Variants in HPSE2 observed in about 807,000 individuals in gnomAD.
HPSE2 encodes the protein inactive heparanase-2.
HPSE2 carries 38 observed loss-of-function variants against 60.5 expected under a neutral mutation model. The ratio of observed to expected loss-of-function variants is 0.63; its 90% CI spans 0.48 to 0.82. The LOEUF is 0.82. HPSE2 is among the 40% of genes least tolerant of loss of function. The pLI, the probability that HPSE2 is intolerant of heterozygous loss-of-function variation, is 0.00. For synonymous variants in HPSE2, 295 were observed against 293.2 expected (o/e 1.01, Z -0.06); for missense variants, 713 against 740.4 (o/e 0.96, Z 0.43).
At chr10:98,587,549 A>C (rs1240555051) in intron 9 of HPSE2, among the ~76,000 whole-genome samples, 1 of 152,180 alleles carries the variant, frequency 6.6e-6, no homozygotes, top group Non-Finnish European at 1.5e-5. Context: ...TTGTCCTCCC[A>C]CAGCTGTTCC....
At chr10:98,643,361 A>G (rs1391055422) in intron 6 of HPSE2, among the ~76,000 whole-genome samples, 1 of 152,196 alleles carries the variant, frequency 6.6e-6, no homozygotes, top group African/African-American at 2.4e-5. Context: ...GTTCTTCCTA[A>G]TTGTCACCTC....
At chr10:98,635,222 G>A (rs1297937535) in intron 7 of HPSE2, among the ~76,000 whole-genome samples, 1 of 152,170 alleles carries the variant, frequency 6.6e-6, no homozygotes, top group African/African-American at 2.4e-5. Flanking sequence ...CTACTATAAA[G>A]AAGATAGTAA....
chr10:98,997,585 A>G (rs1274207451), intron 3 of HPSE2, among the ~76,000 whole-genome samples: 1 of 152,234 alleles, frequency 6.6e-6, no homozygotes, highest in Non-Finnish European at 1.5e-5. Flanking sequence ...TATTTCCAGC[A>G]TTTGTATTTT....
intron 3 of HPSE2, among the ~76,000 whole-genome samples, chr10:99,097,589 T>C (rs1232977962): frequency 1.3e-5 from 2 of 152,216 alleles, no homozygotes; most frequent in East Asian, 3.8e-4. Flanking sequence ...AAACTTATTT[T>C]AATAGTGATA....
intron 3 of HPSE2, among the ~76,000 whole-genome samples, chr10:99,001,872 A>AT (rs906914258): frequency 1.3e-4 from 20 of 150,874 alleles, no homozygotes; most frequent in Admixed American, 9.3e-4. Flanking sequence ...GAGTCAGCAA[A>AT]TTTTTTTTTT....
At chr10:99,009,225 A>G (rs1310930160) in intron 3 of HPSE2, among the ~76,000 whole-genome samples, 1 of 140,926 alleles carries the variant, frequency 7.1e-6, no homozygotes, top group African/African-American at 2.7e-5. Flanking sequence ...GCAACATAAC[A>G]AGGCCCAGTG....
chr10:99,223,923 AG>A lies in HPSE2; in HGVS notation c.448+8424del, dbSNP rs1182190070. Among the ~76,000 whole-genome samples the A allele has an allele frequency of 2.0e-5, 3 of 152,208 alleles. No homozygotes were observed. In the East Asian group the frequency reaches 5.8e-4, roughly 29 times the overall value. On this transcript the variant is annotated intron_variant, in intron 2 of 11. Coordinates refer to ENST00000370552, the MANE Select transcript of HPSE2 (RefSeq NM_021828.5). ...GGTAAAATTTTCAATTTCAGGGGAG[AG>A]GGAGATGTGTGTTCAACATGGAAAG...
At chr10:98,547,502 G>T (rs1286778643) in intron 9 of HPSE2, among the ~76,000 whole-genome samples, 3 of 148,980 alleles carry the variant, frequency 2.0e-5, no homozygotes, top group Non-Finnish European at 4.5e-5. Flanking sequence ...CATGTCCTTT[G>T]TAGGGACATG....
chr10:99,040,588 C>T (rs914593198), intron 3 of HPSE2, among the ~76,000 whole-genome samples: 1 of 151,782 alleles, frequency 6.6e-6, no homozygotes, highest in Non-Finnish European at 1.5e-5. Context: ...TACTTTTATG[C>T]AATCAAATCT....
chr10:98,560,498 C>T (rs1232764338), intron 9 of HPSE2, among the ~76,000 whole-genome samples: 4 of 152,268 alleles, frequency 2.6e-5, no homozygotes, highest in African/African-American at 7.2e-5. Context: ...GAACCCTAAG[C>T]AGCCTGAGAC....
intron 11 of HPSE2, among the ~76,000 whole-genome samples, chr10:98,463,457 C>T (rs1275814227): frequency 6.6e-6 from 1 of 152,210 alleles, no homozygotes; most frequent in Non-Finnish European, 1.5e-5. Context: ...AAATATTTCT[C>T]AATGAAAATG....
intron 3 of HPSE2, among the ~76,000 whole-genome samples, chr10:98,997,275 G>A (rs1372101547): frequency 6.6e-6 from 1 of 151,822 alleles, no homozygotes; most frequent in Non-Finnish European, 1.5e-5. Context: ...ACCATGCCCG[G>A]CTAATTTTTT....
At chr10:98,743,016 A>T (rs1949540069) in intron 4 of HPSE2, among the ~76,000 whole-genome samples, 1 of 125,202 alleles carries the variant, frequency 8.0e-6, no homozygotes, top group African/African-American at 3.1e-5. Context: ...GCTGTTGCCC[A>T]GGCTGGAGTG....
intron 2 of HPSE2, among the ~76,000 whole-genome samples, chr10:99,223,922 G>C (rs189587528): frequency 1.3e-5 from 2 of 152,224 alleles, no homozygotes; most frequent in African/African-American, 2.4e-5. Context: ...TTTCAGGGGA[G>C]AGGGAGATGT....
intron 3 of HPSE2, among the ~76,000 whole-genome samples, chr10:98,842,023 G>A (rs934036071): frequency 6.6e-6 from 1 of 152,074 alleles, no homozygotes; most frequent in Admixed American, 6.5e-5. Flanking sequence ...AGCCAGGATG[G>A]TCTCGATCTC....
chr10:99,190,081 T>C (rs955942670), intron 2 of HPSE2, among the ~76,000 whole-genome samples: 8 of 152,254 alleles, frequency 5.3e-5, no homozygotes, highest in African/African-American at 1.7e-4. Context: ...AATCACTTTA[T>C]GGGGCAACCA....
At chr10:98,686,018 C>G (rs1041958240) in intron 6 of HPSE2, among the ~76,000 whole-genome samples, 3 of 152,068 alleles carry the variant, frequency 2.0e-5, no homozygotes, top group African/African-American at 7.2e-5. Flanking sequence ...ATTCTTGATA[C>G]TTGCAATTTT....
intron 4 of HPSE2, among the ~76,000 whole-genome samples, chr10:98,723,291 G>A (rs1032776093): frequency 1.3e-5 from 2 of 152,188 alleles, no homozygotes; most frequent in African/African-American, 4.8e-5. Flanking sequence ...TGTTGAACCA[G>A]CGTTGCATCC....
At chr10:98,713,014 A>T (rs1948711102) in intron 5 of HPSE2, among the ~76,000 whole-genome samples, 1 of 152,096 alleles carries the variant, frequency 6.6e-6, no homozygotes, top group African/African-American at 2.4e-5. Context: ...ATAGCCTGTT[A>T]GTTTAGATAG....
Sources: allele counts gnomAD v4.1 joint callset (sites outside exome capture counted in the v4.1 genomes callset), GRCh38; gene constraint gnomAD v4.1.1; transcripts MANE v1.5; gene names NCBI Gene and HGNC (gene_info 2026-07-23, HGNC 2026-07-21).